Variants in LCLAT1 observed in about 807,000 individuals in gnomAD.
LCLAT1 encodes 1-AGP acyltransferase 8.
LCLAT1 carries 11 observed loss-of-function variants against 30.7 expected under a neutral mutation model. That is an observed-to-expected ratio of 0.36 (90% CI 0.23 to 0.59). The LOEUF (loss-of-function observed/expected upper bound fraction) is 0.59, where lower values mean the gene tolerates loss of function less well. LCLAT1 is among the 20% of genes least tolerant of loss of function. The pLI is 0.77. For missense variants in LCLAT1, 402 were observed against 458.6 expected, an observed-to-expected ratio of 0.88 and a Z score of 1.13; for synonymous variants, 155 against 151.3, an observed-to-expected ratio of 1.02 and a Z score of -0.18.
At chr2:30,539,762 A>G (rs1664039876) in intron 3 of LCLAT1, among the ~76,000 whole-genome samples, 1 of 152,190 alleles carries the variant, frequency 6.6e-6, no homozygotes, top group Non-Finnish European at 1.5e-5. Context: ...AGAATCTCTA[A>G]TAATTTGTTA....
Position 30,568,049 on chromosome 2 carries a change from G to A in LCLAT1, c.512-11G>A, listed in dbSNP as rs766398950. 1 of 1,374,276 alleles carries A rather than the reference G, an allele frequency of 7.3e-7. No individual in the cohort carries two copies. Among genetic ancestry groups the A allele is most frequent in the Admixed American group, 1.8e-5 (1 of 54,852 alleles). 85.1% of individuals were successfully genotyped at this position (1,374,276 alleles called of 1,614,324 possible). ...AGTTTATGATTTATAATGGTCCATT[G>A]TTTTGTTTAGAAAACAGCAAGTCTC... is the stretch of plus-strand genomic sequence containing the variant. On this transcript the variant is annotated splice_polypyrimidine_tract_variant and intron_variant, in intron 4 of 5. Coordinates refer to ENST00000379509, the MANE Select transcript of LCLAT1 (RefSeq NM_001002257.3).
intron 1 of LCLAT1, among the ~76,000 whole-genome samples, chr2:30,468,745 C>G (rs995261443): frequency 2.6e-5 from 4 of 152,126 alleles, no homozygotes. Context: ...ATGGATTTGC[C>G]TATTCTGAAT....
At chr2:30,517,475 AC>A (rs1685236858) in intron 1 of LCLAT1, among the ~76,000 whole-genome samples, 1 of 151,880 alleles carries the variant, frequency 6.6e-6, no homozygotes, top group Admixed American at 6.6e-5. Context: ...TACCCAGCTT[AC>A]CCCCACCTGC....
intron 5 of LCLAT1, among the ~76,000 whole-genome samples, chr2:30,594,145 G>T (rs929650205): frequency 6.6e-6 from 1 of 151,876 alleles, no homozygotes; most frequent in African/African-American, 2.4e-5. Context: ...AAGCTTTATT[G>T]TGCTATTTGA....
At chr2:30,622,526 A>T (rs141594392) in intron 5 of LCLAT1, among the ~76,000 whole-genome samples, 46 of 152,234 alleles carry the variant, frequency 3.0e-4, no homozygotes, top group African/African-American at 1.0e-3. Flanking sequence ...GAACAAAACT[A>T]CAACCAAGGA....
intron 5 of LCLAT1, among the ~76,000 whole-genome samples, chr2:30,588,141 C>T (rs1179006625): frequency 1.3e-5 from 2 of 152,246 alleles, no homozygotes; most frequent in African/African-American, 4.8e-5. Context: ...AGGCCAGAAA[C>T]ATTGCTTCGC....
At chr2:30,499,457 C>T (rs10206659) in intron 1 of LCLAT1, among the ~76,000 whole-genome samples, 19,186 of 152,196 alleles carry the variant, frequency 0.13, 1,345 homozygotes, top group South Asian at 0.22. Flanking sequence ...GCTGGGATTA[C>T]GGGAGTGAGC....
At chr2:30,516,687 G>A (rs1374332391) in intron 1 of LCLAT1, among the ~76,000 whole-genome samples, 1 of 152,126 alleles carries the variant, frequency 6.6e-6, no homozygotes, top group African/African-American at 2.4e-5. Flanking sequence ...AGAGCTCTAA[G>A]AACAAAGACC....
At chr2:30,609,647 G>A (rs963875298) in intron 5 of LCLAT1, among the ~76,000 whole-genome samples, 3 of 152,080 alleles carry the variant, frequency 2.0e-5, no homozygotes, top group African/African-American at 7.2e-5. Context: ...GTTATACCAG[G>A]ATAGCCTTTT....
chr2:30,560,283 G>GGTGTGTGT lies in LCLAT1; in HGVS notation c.365-1828_365-1821dup, dbSNP rs57326977. On this transcript the variant is annotated intron_variant, in intron 3 of 5. Coordinates refer to ENST00000379509, the MANE Select transcript of LCLAT1 (RefSeq NM_001002257.3). ...GACTTACCCAGGCCAAATAAAGTGT[G>GGTGTGTGT]GTGTGTGTGTGTGTGTGTGTGTGTG... Among the ~76,000 whole-genome samples the GGTGTGTGT allele has an allele frequency of 2.0e-3, 283 of 144,578 alleles. 3 individuals carry two copies. The highest frequency in any genetic ancestry group is 5.1e-3 in the South Asian group (22 of 4,308). 94.8% of individuals were successfully genotyped at this position (144,578 alleles called of 152,430 possible). A position where few individuals can be genotyped will look rare whatever the true frequency, so the allele number is the denominator to read the frequency against.
intron 4 of LCLAT1, among the ~76,000 whole-genome samples, chr2:30,566,271 A>G (rs1019635954): frequency 2.0e-5 from 3 of 152,222 alleles, no homozygotes; most frequent in African/African-American, 7.2e-5. Context: ...CAGAATCCCC[A>G]GAGTTTTATA....
At chr2:30,492,453 G>A (rs1303645788) in intron 1 of LCLAT1, among the ~76,000 whole-genome samples, 5 of 152,038 alleles carry the variant, frequency 3.3e-5, no homozygotes, top group African/African-American at 1.2e-4. Flanking sequence ...GGCTTGAGTA[G>A]AGTGTTAGGA....
At chr2:30,513,170 A>G (rs1456912304) in intron 1 of LCLAT1, among the ~76,000 whole-genome samples, 1 of 152,100 alleles carries the variant, frequency 6.6e-6, no homozygotes, top group Non-Finnish European at 1.5e-5. Context: ...ACTAATGAAC[A>G]TATTTCACAA....
intron 1 of LCLAT1, among the ~76,000 whole-genome samples, chr2:30,456,440 A>G (rs1244635558): frequency 7.9e-6 from 1 of 126,324 alleles, no homozygotes; most frequent in Non-Finnish European, 1.8e-5. Context: ...AGGGAAGTCT[A>G]GACTTCTCCA....
intron 1 of LCLAT1, among the ~76,000 whole-genome samples, chr2:30,471,106 G>A (rs2148291877): frequency 6.6e-6 from 1 of 151,842 alleles, no homozygotes; most frequent in Admixed American, 6.6e-5. Flanking sequence ...TAGGGACGGA[G>A]TTTCACCATT....
At chr2:30,497,137 C>A (rs1474184450) in intron 1 of LCLAT1, among the ~76,000 whole-genome samples, 1 of 152,172 alleles carries the variant, frequency 6.6e-6, no homozygotes, top group Non-Finnish European at 1.5e-5. Context: ...CCTGTGTATA[C>A]CCTCTAGACT....
At position 30,638,739 on chromosome 2, in the gene LCLAT1, C is replaced by T. The variant is rs1402098569; in HGVS notation, c.629-1378C>T. On this transcript the variant is annotated intron_variant, in intron 5 of 5. Transcript: ENST00000379509. Reference sequence around the variant, plus strand: ...CCACCATCTACTTGGTACCCTGAGCCAAAAACAAACCTGGATTGACTCCTC... The same window carrying T: ...CCACCATCTACTTGGTACCCTGAGCTAAAAACAAACCTGGATTGACTCCTC... Among the ~76,000 whole-genome samples the T allele has an allele frequency of 3.3e-5, 5 of 151,426 alleles. No individual in the cohort carries two copies. The South Asian group carries it at 1.0e-3, about 31-fold the overall frequency.
intron 1 of LCLAT1, among the ~76,000 whole-genome samples, chr2:30,470,585 G>A (rs951480100): frequency 3.9e-5 from 6 of 152,362 alleles, no homozygotes; most frequent in Middle Eastern, 3.4e-3. Context: ...TTAGAAGCAA[G>A]ATGGAGTCAG....
chr2:30,453,538 G>T (rs1168473180), intron 1 of LCLAT1, among the ~76,000 whole-genome samples: 1 of 152,160 alleles, frequency 6.6e-6, no homozygotes, highest in Non-Finnish European at 1.5e-5. Flanking sequence ...GAAAGTTGGG[G>T]TGGCTTGAAC....
Sources: gnomAD v4.1 joint callset for allele counts (sites outside exome capture counted in the v4.1 genomes callset) on GRCh38, gnomAD v4.1.1 for gene constraint, MANE v1.5 for transcripts, NCBI Gene and HGNC (gene_info 2026-07-23, HGNC 2026-07-21) for gene names.